NPSR1: variants seen among roughly 807,000 people sequenced by gnomAD.
NPSR1 encodes neuropeptide S receptor 1, also known as neuropeptide S receptor.
A neutral mutation model predicts 46.9 loss-of-function variants in NPSR1; 48 were observed. The ratio of observed to expected loss-of-function variants is 1.02; its 90% CI spans 0.81 to 1.30. The LOEUF is 1.30. NPSR1 is among the 50% of genes most tolerant of loss of function. NPSR1 has a pLI of 0.00. For synonymous variants in NPSR1, 176 were observed against 168.1 expected, an observed-to-expected ratio of 1.05 and a Z score of -0.36; for missense variants, 450 against 449.5, an observed-to-expected ratio of 1.00 and a Z score of -0.01.
chr7:34,683,168 G>T (rs1423341599), intron 1 of NPSR1, among the ~76,000 whole-genome samples: 1 of 152,142 alleles, frequency 6.6e-6, no homozygotes, highest in Non-Finnish European at 1.5e-5. Flanking sequence ...AGAAGGCCAG[G>T]TGCGGTGGCT....
chr7:34,801,716 C>A (rs1935364673), intron 3 of NPSR1, among the ~76,000 whole-genome samples: 2 of 147,162 alleles, frequency 1.4e-5, no homozygotes, highest in South Asian at 4.2e-4. Flanking sequence ...AAGTTCTGGC[C>A]AGGGCAATTA....
At chr7:34,839,780 T>A (rs894029912) in intron 6 of NPSR1, among the ~76,000 whole-genome samples, 2 of 152,054 alleles carry the variant, frequency 1.3e-5, no homozygotes, top group Admixed American at 6.6e-5. Flanking sequence ...CCTCAGCACC[T>A]CCCTCCAGCA....
At chr7:34,696,238 C>T (rs1793522897) in intron 2 of NPSR1, among the ~76,000 whole-genome samples, 1 of 151,904 alleles carries the variant, frequency 6.6e-6, no homozygotes, top group Non-Finnish European at 1.5e-5. Context: ...CATATGTTCT[C>T]CTTCATAAGG....
chr7:34,737,403 G>C (rs555151391), intron 2 of NPSR1, among the ~76,000 whole-genome samples: 5 of 152,058 alleles, frequency 3.3e-5, no homozygotes, highest in Non-Finnish European at 7.4e-5. Flanking sequence ...CCTCCATCTC[G>C]CACTGCATTT....
intron 6 of NPSR1, among the ~76,000 whole-genome samples, chr7:34,840,081 G>A (rs983494277): frequency 1.3e-5 from 2 of 152,054 alleles, no homozygotes; most frequent in African/African-American, 4.8e-5. Flanking sequence ...TATCTGGTGG[G>A]TTAGGTGAAA....
At chr7:34,671,155 C>T (rs969487139) in intron 1 of NPSR1, among the ~76,000 whole-genome samples, 1 of 151,430 alleles carries the variant, frequency 6.6e-6, no homozygotes, top group African/African-American at 2.4e-5. Context: ...ATAACCATTT[C>T]TCTTTGTGCA....
chr7:34,758,082 T>G (rs969034859), intron 2 of NPSR1: 1 of 152,686 alleles, frequency 6.5e-6, no homozygotes, highest in Non-Finnish European at 1.5e-5. Flanking sequence ...ACCAGGTCTA[T>G]GCTTCAGTTT....
chr7:34,836,604 GAGAA>G (rs1188164181), intron 6 of NPSR1, among the ~76,000 whole-genome samples: 1 of 151,022 alleles, frequency 6.6e-6, no homozygotes, highest in African/African-American at 2.4e-5. Flanking sequence ...AAGAGTGAGA[GAGAA>G]AGAGTGAGGA....
At chr7:34,865,619 T>G (rs1791293852) in intron 8 of NPSR1, among the ~76,000 whole-genome samples, 1 of 151,720 alleles carries the variant, frequency 6.6e-6, no homozygotes, top group Non-Finnish European at 1.5e-5. Flanking sequence ...AATCTTTCCC[T>G]TTGTTCCCCA....
chr7:34,877,420 G>C (rs981623754), intron 8 of NPSR1, among the ~76,000 whole-genome samples: 7 of 152,246 alleles, frequency 4.6e-5, no homozygotes, highest in African/African-American at 1.7e-4. Flanking sequence ...CTTCTAGAGA[G>C]AGTGTGGCAG....
intron 3 of NPSR1, among the ~76,000 whole-genome samples, chr7:34,782,017 A>G (rs1289210896): frequency 2.0e-5 from 3 of 152,130 alleles, no homozygotes; most frequent in African/African-American, 7.2e-5. Flanking sequence ...TATTACCAAC[A>G]TTACAGCAGG....
intron 1 of NPSR1, among the ~76,000 whole-genome samples, chr7:34,678,934 C>T (rs1257269476): frequency 3.9e-5 from 6 of 152,046 alleles, no homozygotes; most frequent in Admixed American, 2.6e-4. Context: ...CTAGAATATG[C>T]TAATAATCTA....
At chr7:34,857,764 A>G (rs1791082897) in intron 8 of NPSR1, among the ~76,000 whole-genome samples, 1 of 151,808 alleles carries the variant, frequency 6.6e-6, no homozygotes, top group Admixed American at 6.6e-5. Context: ...AAGACAAGCT[A>G]TAGAATGGAA....
At chr7:34,855,320 TC>T (rs1275173848) in intron 8 of NPSR1, among the ~76,000 whole-genome samples, 1 of 151,792 alleles carries the variant, frequency 6.6e-6, no homozygotes, top group Non-Finnish European at 1.5e-5. Flanking sequence ...CAAATTCTGT[TC>T]TTGAAAAAAA....
At chr7:34,659,843 G>T (rs1458547) in intron 1 of NPSR1, among the ~76,000 whole-genome samples, 46,088 of 152,058 alleles carry the variant, frequency 0.3, 8,683 homozygotes, top group African/African-American at 0.54. Context: ...TTGGCAGGCT[G>T]TGTGCACCCA....
At position 34,811,762 on chromosome 7, in the gene NPSR1, G is replaced by C. The variant is rs1788996303; in HGVS notation, c.385-8G>C. 6.3e-7 allele frequency: 1 copy of C among 1,598,410 alleles called. No homozygotes were observed. On this transcript the variant is annotated splice_polypyrimidine_tract_variant and splice_region_variant and intron_variant, in intron 3 of 8. Transcript: ENST00000360581. ...AAGTCATAAGCTTCCTCTCATTTCTGTCTTTAGGTTGTGCTGCTCTACGCC... is the reference window on the plus strand; with the variant it reads ...AAGTCATAAGCTTCCTCTCATTTCTCTCTTTAGGTTGTGCTGCTCTACGCC...
At chr7:34,789,751 A>AAAAAG in intron 3 of NPSR1, among the ~76,000 whole-genome samples, 1 of 150,980 alleles carries the variant, frequency 6.6e-6, no homozygotes, top group South Asian at 2.1e-4. Context: ...AAAAAAAAAA[A>AAAAAG]AAAAAAAAAA....
intron 2 of NPSR1, among the ~76,000 whole-genome samples, chr7:34,769,159 A>C (rs1346744839): frequency 3.9e-5 from 6 of 152,028 alleles, no homozygotes; most frequent in Admixed American, 3.9e-4. Flanking sequence ...AGCCTGGATT[A>C]ATTGAGCTTT....
At chr7:34,772,251 A>G (rs1211408078) in intron 2 of NPSR1, among the ~76,000 whole-genome samples, 1 of 152,200 alleles carries the variant, frequency 6.6e-6, no homozygotes, top group East Asian at 1.9e-4. Flanking sequence ...TGACAGTGTG[A>G]CTTTCCATTT....
Sources: allele counts gnomAD v4.1 joint callset (sites outside exome capture counted in the v4.1 genomes callset), GRCh38; gene constraint gnomAD v4.1.1; transcripts MANE v1.5; gene names NCBI Gene and HGNC (gene_info 2026-07-23, HGNC 2026-07-21).